Variants in KCNJ3 observed in about 807,000 individuals in gnomAD.
The protein encoded by KCNJ3 is G protein-activated inward rectifier potassium channel 1.
KCNJ3 carries 4 observed loss-of-function variants against 39.2 expected under a neutral mutation model. The ratio of observed to expected loss-of-function variants is 0.10; its 90% CI spans 0.05 to 0.23. The LOEUF is 0.23. Ranked by LOEUF, KCNJ3 falls within the 10% of genes least tolerant of loss-of-function variation. KCNJ3 has a pLI of 1.00. For synonymous variants in KCNJ3, 230 were observed against 237.4 expected (o/e 0.97, Z 0.29); for missense variants, 276 against 634.9 (o/e 0.43, Z 6.08).
chr2:154,738,061 T>C (rs1481179650), intron 2 of KCNJ3, among the ~76,000 whole-genome samples: 1 of 152,188 alleles, frequency 6.6e-6, no homozygotes, highest in African/African-American at 2.4e-5. Context: ...CTTATTTTGC[T>C]TCCAAATCTT....
chr2:154,825,753 A>C (rs1208159075), intron 2 of KCNJ3, among the ~76,000 whole-genome samples: 1 of 149,730 alleles, frequency 6.7e-6, no homozygotes, highest in East Asian at 2.0e-4. Flanking sequence ...ATTTTTTTTA[A>C]CTTTTGTAGA....
At chr2:154,822,615 G>A (rs541055145) in intron 2 of KCNJ3, among the ~76,000 whole-genome samples, 1 of 152,142 alleles carries the variant, frequency 6.6e-6, no homozygotes, top group Non-Finnish European at 1.5e-5. Context: ...TGAATACTAT[G>A]TTTGAATTGC....
At chr2:154,782,020 T>A (rs1686448066) in intron 2 of KCNJ3, among the ~76,000 whole-genome samples, 1 of 152,190 alleles carries the variant, frequency 6.6e-6, no homozygotes, top group Non-Finnish European at 1.5e-5. Context: ...TCTGTTTTTG[T>A]GATGATTTTT....
chr2:154,830,946 G>A lies in KCNJ3; in HGVS notation c.920-23781G>A, dbSNP rs555932359. The stretch of plus-strand genomic sequence containing the variant: ...TCCATCTTCATCATTGCAACAATAA[G>A]AAATTGTTCCTAGCCAGCCTTCCTC... On this transcript the variant is annotated intron_variant, in intron 2 of 2. Coordinates refer to ENST00000295101, the MANE Select transcript of KCNJ3 (RefSeq NM_002239.4). 7.3e-4 allele frequency among the ~76,000 whole-genome samples: 111 copies of A among 152,216 alleles called. 1 individual carries two copies. The Middle Eastern group carries it at 0.02, about 28-fold the overall frequency.
At position 154,856,748 on chromosome 2, in the gene KCNJ3, A is replaced by C. The variant is rs1048596962; in HGVS notation, c.*1435A>C. 1 of 152,160 alleles carries C rather than the reference A, an allele frequency of 6.6e-6. No individual in the cohort carries two copies. Among genetic ancestry groups the C allele is most frequent in the African/African-American group, 2.4e-5 (1 of 41,450 alleles). The allele number at this position is 152,160 out of a possible 1,614,324, so 9.4% of individuals were successfully genotyped here. A position where few individuals can be genotyped will look rare whatever the true frequency, so the allele number is the denominator to read the frequency against. On this transcript the variant is annotated 3_prime_UTR_variant, in exon 3 of 3. Transcript: ENST00000295101. ...CTAATCCTGAAGTCTGATATTTATG[A>C]CTCATTAGCAGGAATCAAAACTAGT...
intron 1 of KCNJ3, chr2:154,709,192 A>C (rs1405268868): frequency 2.2e-5 from 4 of 180,402 alleles, no homozygotes; most frequent in Non-Finnish European, 4.7e-5. Flanking sequence ...GTCAGCTTTA[A>C]CACACTCCAT....
At chr2:154,834,355 TAAGGTC>T (rs1300328296) in intron 2 of KCNJ3, among the ~76,000 whole-genome samples, 2 of 152,280 alleles carry the variant, frequency 1.3e-5, no homozygotes, top group African/African-American at 4.8e-5. Flanking sequence ...AAGTCTCTGT[TAAGGTC>T]TTTTGCCCAT....
chr2:154,807,513 T>A (rs1686932449), intron 2 of KCNJ3, among the ~76,000 whole-genome samples: 1 of 152,166 alleles, frequency 6.6e-6, no homozygotes, highest in Non-Finnish European at 1.5e-5. Flanking sequence ...AGGGATAACC[T>A]GAGAACAGCA....
intron 2 of KCNJ3, among the ~76,000 whole-genome samples, chr2:154,793,583 T>G (rs1428128263): frequency 6.6e-6 from 1 of 152,078 alleles, no homozygotes; most frequent in Admixed American, 6.6e-5. Flanking sequence ...AAATATTCCT[T>G]ATCAAATTAA....
intron 2 of KCNJ3, among the ~76,000 whole-genome samples, chr2:154,781,674 G>T (rs557711034): frequency 6.6e-6 from 1 of 152,188 alleles, no homozygotes; most frequent in African/African-American, 2.4e-5. Context: ...CACTGATATT[G>T]TAGGTTAAAA....
At chr2:154,765,182 A>C (rs2652435) in intron 2 of KCNJ3, among the ~76,000 whole-genome samples, 102,141 of 151,986 alleles carry the variant, frequency 0.67, 37,342 homozygotes, top group Non-Finnish European at 0.8. Flanking sequence ...GAAATTTGCC[A>C]AATGTCCCAT....
intron 2 of KCNJ3, among the ~76,000 whole-genome samples, chr2:154,840,835 TGA>T (rs1055710054): frequency 1.4e-4 from 21 of 152,328 alleles, no homozygotes; most frequent in African/African-American, 4.8e-4. Context: ...GATTTTGGGC[TGA>T]GATGATGGGG....
chr2:154,803,237 AG>A (rs1323871347), intron 2 of KCNJ3, among the ~76,000 whole-genome samples: 7 of 152,020 alleles, frequency 4.6e-5, no homozygotes, highest in Non-Finnish European at 1.0e-4. Context: ...AAGCCAAAAA[AG>A]CTACTTTTTA....
chr2:154,720,872 T>C (rs996560269), intron 2 of KCNJ3, among the ~76,000 whole-genome samples: 1 of 152,140 alleles, frequency 6.6e-6, no homozygotes, highest in African/African-American at 2.4e-5. Flanking sequence ...TCCCCAGAAA[T>C]GGCTTCAATC....
chr2:154,761,784 G>GT (rs1375601110), intron 2 of KCNJ3, among the ~76,000 whole-genome samples: 12 of 152,112 alleles, frequency 7.9e-5, no homozygotes, highest in Admixed American at 6.5e-4. Flanking sequence ...ATTAGTTAGG[G>GT]TACTTGCTTT....
rs970166502 is a variant in KCNJ3, at chr2:154,724,917, G to A, written c.919+15098G>A. The stretch of plus-strand genomic sequence containing the variant: ...TGTATATATACAAGATACATATGAG[G>A]TATATATATATATATATATACCTTT... On this transcript the variant is annotated intron_variant, in intron 2 of 2. Coordinates refer to ENST00000295101, the MANE Select transcript of KCNJ3 (RefSeq NM_002239.4). 3.9e-3 allele frequency among the ~76,000 whole-genome samples: 450 copies of A among 116,232 alleles called. 10 individuals are homozygous for A. Among genetic ancestry groups the A allele is most frequent in the African/African-American group, 0.012 (352 of 28,190 alleles). The allele number at this position is 116,232 out of a possible 152,430, so 76.3% of individuals were successfully genotyped here.
chr2:154,754,916 T>A (rs1438950047), intron 2 of KCNJ3, among the ~76,000 whole-genome samples: 1 of 152,166 alleles, frequency 6.6e-6, no homozygotes, highest in East Asian at 1.9e-4. Context: ...AATTTTTAAA[T>A]CAGATATAAC....
chr2:154,755,409 T>G (rs1685920294), intron 2 of KCNJ3, among the ~76,000 whole-genome samples: 1 of 151,890 alleles, frequency 6.6e-6, no homozygotes, highest in African/African-American at 2.4e-5. Flanking sequence ...AGAGCTTTGT[T>G]GCTAAATTTT....
chr2:154,835,666 T>A (rs1010652855), intron 2 of KCNJ3, among the ~76,000 whole-genome samples: 6 of 152,022 alleles, frequency 3.9e-5, no homozygotes, highest in Admixed American at 3.9e-4. Context: ...AAATCCCAGG[T>A]GGCTTAATTT....
Sources: allele counts gnomAD v4.1 joint callset (sites outside exome capture counted in the v4.1 genomes callset), GRCh38; gene constraint gnomAD v4.1.1; transcripts MANE v1.5; gene names NCBI Gene and HGNC (gene_info 2026-07-23, HGNC 2026-07-21).